DPP10: variants seen among roughly 807,000 people sequenced by gnomAD.
The protein encoded by DPP10 is dipeptidyl peptidase like 10.
DPP10 carries 33 observed loss-of-function variants against 120.9 expected under a neutral mutation model. The ratio of observed to expected loss-of-function variants is 0.27; its 90% CI spans 0.21 to 0.37. The LOEUF is 0.37. DPP10 is among the 10% of genes least tolerant of loss of function. The pLI is 1.00. For missense variants in DPP10, 816 were observed against 942.8 expected, an observed-to-expected ratio of 0.87 and a Z score of 1.76; for synonymous variants, 337 against 326.1, an observed-to-expected ratio of 1.03 and a Z score of -0.36.
chr2:115,072,975 G>T (rs1707492192), intron 1 of DPP10, among the ~76,000 whole-genome samples: 1 of 152,020 alleles, frequency 6.6e-6, no homozygotes, highest in African/African-American at 2.4e-5. Context: ...GAGAGATGGG[G>T]TTTCACCCTG....
chr2:115,489,908 G>T (rs1194927202), intron 3 of DPP10, among the ~76,000 whole-genome samples: 2 of 151,950 alleles, frequency 1.3e-5, no homozygotes, highest in African/African-American at 4.8e-5. Context: ...TCTCTCTGAG[G>T]CTTCATCTGC....
intron 1 of DPP10, among the ~76,000 whole-genome samples, chr2:114,866,765 G>A (rs1242885486): frequency 3.9e-5 from 6 of 152,296 alleles, no homozygotes; most frequent in Admixed American, 3.9e-4. Context: ...TTAGTAGCCT[G>A]TAACCTAAAA....
chr2:115,406,628 GAGTT>G (rs1313079174), intron 3 of DPP10, among the ~76,000 whole-genome samples: 1 of 151,910 alleles, frequency 6.6e-6, no homozygotes, highest in Non-Finnish European at 1.5e-5. Flanking sequence ...AACCATAAGA[GAGTT>G]AGAGAGGCTA....
At chr2:114,718,309 G>A (rs1440380559) in intron 1 of DPP10, among the ~76,000 whole-genome samples, 1 of 148,086 alleles carries the variant, frequency 6.8e-6, no homozygotes, top group Non-Finnish European at 1.5e-5. Context: ...GCTGAGGCAG[G>A]AGAATCGCTT....
At chr2:114,762,861 G>A (rs1186867828) in intron 1 of DPP10, among the ~76,000 whole-genome samples, 2 of 152,174 alleles carry the variant, frequency 1.3e-5, no homozygotes, top group African/African-American at 4.8e-5. Flanking sequence ...AATCTAATGT[G>A]TTCTGGGAAT....
At chr2:115,602,389 C>T (rs540050440) in intron 5 of DPP10, among the ~76,000 whole-genome samples, 1 of 152,128 alleles carries the variant, frequency 6.6e-6, no homozygotes, top group Non-Finnish European at 1.5e-5. Flanking sequence ...TTTTAAAGAC[C>T]TTACAATCAA....
At chr2:114,461,543 A>C (rs1013258306) in intron 1 of DPP10, 2 of 977,014 alleles carry the variant, frequency 2.0e-6, no homozygotes, top group Non-Finnish European at 2.4e-6. Context: ...AATAATGATC[A>C]ACCTCCTTTT....
At chr2:114,825,154 TA>T (rs1686419291) in intron 1 of DPP10, among the ~76,000 whole-genome samples, 1 of 152,250 alleles carries the variant, frequency 6.6e-6, no homozygotes, top group Non-Finnish European at 1.5e-5. Context: ...TCTGTCAGTG[TA>T]AAATCAATCA....
intron 1 of DPP10, among the ~76,000 whole-genome samples, chr2:114,691,955 T>TTATTTGA (rs1699777784): frequency 1.3e-5 from 2 of 151,944 alleles, no homozygotes; most frequent in South Asian, 4.2e-4. Context: ...CTGATTGTGT[T>TTATTTGA]TATTTGATTC....
rs987682488 is a variant in DPP10 at position 114,915,897 on chromosome 2, C to T, written c.61-393342C>T. 3.3e-5 allele frequency among the ~76,000 whole-genome samples: 5 copies of T among 151,992 alleles called. No homozygotes were observed. In the South Asian group the frequency reaches 1.0e-3, roughly 32 times the overall value. On this transcript the variant is annotated intron_variant, in intron 1 of 25. Transcript: ENST00000410059. The stretch of plus-strand genomic sequence containing the variant: ...GCCTACATCAAAATGTCAGAAATAT[C>T]TCAAATTAACAGTTCTAACATCATA...
chr2:114,850,607 G>A (rs1157226033), intron 1 of DPP10, among the ~76,000 whole-genome samples: 1 of 151,850 alleles, frequency 6.6e-6, no homozygotes, highest in Non-Finnish European at 1.5e-5. Context: ...TGGAGATTAG[G>A]CATGAGAAGT....
At chr2:114,505,035 G>T (rs1393808289) in intron 1 of DPP10, among the ~76,000 whole-genome samples, 1 of 110,892 alleles carries the variant, frequency 9.0e-6, no homozygotes, top group Non-Finnish European at 1.7e-5. Flanking sequence ...CTGGGCAACA[G>T]AGTGAGACTC....
At chr2:114,540,568 C>T (rs1686871279) in intron 1 of DPP10, among the ~76,000 whole-genome samples, 1 of 152,082 alleles carries the variant, frequency 6.6e-6, no homozygotes, top group Non-Finnish European at 1.5e-5. Context: ...ATTGTGTTTC[C>T]TTGGCAATAG....
chr2:114,962,183 T>C (rs1221001589), intron 1 of DPP10, among the ~76,000 whole-genome samples: 1 of 152,122 alleles, frequency 6.6e-6, no homozygotes, highest in Non-Finnish European at 1.5e-5. Flanking sequence ...CTGAAAAAAA[T>C]AGGGTCACAC....
chr2:115,104,665 C>T (rs1227577644), intron 1 of DPP10, among the ~76,000 whole-genome samples: 1 of 152,040 alleles, frequency 6.6e-6, no homozygotes, highest in Non-Finnish European at 1.5e-5. Context: ...AGTACCTGAT[C>T]AACTAAGTCA....
chr2:115,663,251 A>G (rs904768906), intron 5 of DPP10, among the ~76,000 whole-genome samples: 5 of 152,174 alleles, frequency 3.3e-5, no homozygotes, highest in African/African-American at 1.2e-4. Flanking sequence ...AGCCAAGGAT[A>G]TATATTTCAT....
intron 3 of DPP10, among the ~76,000 whole-genome samples, chr2:115,450,622 G>T (rs2073032956): frequency 6.6e-6 from 1 of 151,892 alleles, no homozygotes; most frequent in African/African-American, 2.4e-5. Context: ...GTGACTTTAG[G>T]ATGACCAAGG....
chr2:115,670,443 C>CTG (rs34347896), intron 5 of DPP10, among the ~76,000 whole-genome samples: 37,258 of 151,930 alleles, frequency 0.25, 5,108 homozygotes, highest in African/African-American at 0.37. Flanking sequence ...TAATATTAAA[C>CTG]TGTGTTCACC....
chr2:115,676,523 A>C (rs941419930), intron 5 of DPP10, among the ~76,000 whole-genome samples: 1 of 152,188 alleles, frequency 6.6e-6, no homozygotes, highest in East Asian at 1.9e-4. Flanking sequence ...CCAAACAGAC[A>C]TATTAAAATT....
Sources: allele counts gnomAD v4.1 joint callset (sites outside exome capture counted in the v4.1 genomes callset), GRCh38; gene constraint gnomAD v4.1.1; transcripts MANE v1.5; gene names NCBI Gene and HGNC (gene_info 2026-07-23, HGNC 2026-07-21).